SAMD12: variants seen among roughly 807,000 people sequenced by gnomAD.
SAMD12 encodes sterile alpha motif domain containing 12.
SAMD12 carries 9 observed loss-of-function variants against 15.0 expected under a neutral mutation model. The ratio of observed to expected loss-of-function variants is 0.60; its 90% CI spans 0.36 to 1.05. The LOEUF (loss-of-function observed/expected upper bound fraction) is 1.05, where lower values mean the gene tolerates loss of function less well. Ranked by LOEUF, SAMD12 falls within the 50% of genes least tolerant of loss-of-function variation. SAMD12 has a pLI of 0.01. For missense variants in SAMD12, 230 were observed against 234.2 expected (o/e 0.98, Z 0.12); for synonymous variants, 86 against 90.1 (o/e 0.96, Z 0.25).
chr8:118,353,187 AT>A (rs1053113935), intron 4 of SAMD12, among the ~76,000 whole-genome samples: 8 of 150,480 alleles, frequency 5.3e-5, no homozygotes, highest in Non-Finnish European at 1.2e-4. Flanking sequence ...TCTAGTGAGC[AT>A]GTTCTCTTGT....
exon 5 of SAMD12, chr8:118,196,358 A>T (rs1421010471): frequency 1.3e-5 from 2 of 152,284 alleles, no homozygotes; most frequent in Middle Eastern, 3.4e-3. Flanking sequence ...TGAGCTTTCC[A>T]TTCAACCAAC....
chr8:118,589,410 T>C (rs1354445661), intron 1 of SAMD12, among the ~76,000 whole-genome samples: 1 of 152,226 alleles, frequency 6.6e-6, no homozygotes, highest in Non-Finnish European at 1.5e-5. Flanking sequence ...CAGTTCGCTA[T>C]AATGGAATCT....
chr8:118,277,224 A>G (rs1052074591), intron 4 of SAMD12, among the ~76,000 whole-genome samples: 1 of 152,158 alleles, frequency 6.6e-6, no homozygotes, highest in Non-Finnish European at 1.5e-5. Flanking sequence ...ACTCTGGTCC[A>G]TCTCTCTCCC....
chr8:118,134,368 A>C, the SAMD12 span, among the ~76,000 whole-genome samples: 1 of 152,230 alleles, frequency 6.6e-6, no homozygotes, highest in Admixed American at 6.5e-5. Context: ...AGTCACTATA[A>C]AGTGGTCTGG....
chr8:118,234,516 C>T (rs1225913118), intron 4 of SAMD12, among the ~76,000 whole-genome samples: 1 of 151,876 alleles, frequency 6.6e-6, no homozygotes, highest in Non-Finnish European at 1.5e-5. Flanking sequence ...TCAAGACTTG[C>T]CTGGCCAACA....
At chr8:118,515,021 TTTG>T (rs1825194794) in intron 2 of SAMD12, among the ~76,000 whole-genome samples, 1 of 151,678 alleles carries the variant, frequency 6.6e-6, no homozygotes, top group Non-Finnish European at 1.5e-5. Flanking sequence ...TGTTTGTTTG[TTTG>T]TTTGTTTGTT....
rs1250299582 is a variant in SAMD12, at chr8:118,361,916, T to TTAA, written c.433+17641_433+17643dup. ...GAAAATTCAAGCCTGGAGAACTGGA[T>TTAA]TAATAAATATAAATGAATTCATTTG... On this transcript the variant is annotated intron_variant, in intron 4 of 4. Transcript: ENST00000409003. 1.2e-4 allele frequency among the ~76,000 whole-genome samples: 18 copies of TTAA among 152,320 alleles called. No individual in the cohort carries two copies. The East Asian group carries it at 2.5e-3, about 21-fold the overall frequency.
intron 2 of SAMD12, among the ~76,000 whole-genome samples, chr8:118,556,658 A>G (rs180797408): frequency 2.6e-5 from 4 of 152,280 alleles, no homozygotes; most frequent in African/African-American, 7.2e-5. Flanking sequence ...GAAACTCACA[A>G]TCTGGTGATA....
intron 4 of SAMD12, among the ~76,000 whole-genome samples, chr8:118,265,319 T>A (rs1239118514): frequency 6.6e-6 from 1 of 152,142 alleles, no homozygotes; most frequent in Non-Finnish European, 1.5e-5. Context: ...GTAGAACAAA[T>A]GAGGCATAAT....
At chr8:118,306,990 C>G (rs1198436347) in intron 4 of SAMD12, among the ~76,000 whole-genome samples, 2 of 152,150 alleles carry the variant, frequency 1.3e-5, no homozygotes, top group Non-Finnish European at 2.9e-5. Flanking sequence ...GGCCACTGAC[C>G]AAGCTGATAT....
downstream of SAMD12, among the ~76,000 whole-genome samples, chr8:118,374,332 G>A (rs184158129): frequency 7.9e-5 from 12 of 152,134 alleles, no homozygotes; most frequent in East Asian, 1.9e-4. Flanking sequence ...TTTAAAGGCC[G>A]AATAATATTG....
chr8:118,537,113 G>T (rs1348317201), intron 2 of SAMD12, among the ~76,000 whole-genome samples: 1 of 152,086 alleles, frequency 6.6e-6, no homozygotes, highest in Non-Finnish European at 1.5e-5. Context: ...CTCTTTCCTG[G>T]CCTGTAAGCT....
At chr8:118,476,973 A>G (rs1040978507) in intron 2 of SAMD12, among the ~76,000 whole-genome samples, 1 of 151,742 alleles carries the variant, frequency 6.6e-6, no homozygotes, top group African/African-American at 2.4e-5. Context: ...CAGACACATC[A>G]CTTCCTGTAC....
intron 1 of SAMD12, among the ~76,000 whole-genome samples, chr8:118,581,606 T>C (rs1173978793): frequency 6.6e-6 from 1 of 152,160 alleles, no homozygotes; most frequent in Non-Finnish European, 1.5e-5. Context: ...AACATAGATA[T>C]TCCACAAATA....
intron 4 of SAMD12, among the ~76,000 whole-genome samples, chr8:118,233,564 A>G (rs1812360191): frequency 6.6e-6 from 1 of 152,110 alleles, no homozygotes; most frequent in Non-Finnish European, 1.5e-5. Flanking sequence ...GACATTCCTG[A>G]GCTCCCAGGT....
intron 2 of SAMD12, among the ~76,000 whole-genome samples, chr8:118,579,819 T>C (rs534432349): frequency 2.2e-4 from 33 of 152,302 alleles, no homozygotes; most frequent in African/African-American, 4.6e-4. Context: ...ATTAATTTCC[T>C]CAGTGTCCAA....
At chr8:118,553,500 T>G (rs1327137131) in intron 2 of SAMD12, among the ~76,000 whole-genome samples, 1 of 152,160 alleles carries the variant, frequency 6.6e-6, no homozygotes, top group Non-Finnish European at 1.5e-5. Context: ...TGAAACTGGA[T>G]CCCTTCCTCA....
In SAMD12 at chr8:118,553,735, G is replaced by A. The variant is rs560219586; in HGVS notation, c.192+26980C>T. ...CACAGCAAAAGAAACTGCCATCAGA[G>A]TGAACAGGCAACCCACAAAATGGGA... On this transcript the variant is annotated intron_variant, in intron 2 of 3. Coordinates refer to ENST00000314727, the MANE Select transcript of SAMD12 (RefSeq NM_207506.3). 1.3e-4 allele frequency among the ~76,000 whole-genome samples: 19 copies of A among 151,716 alleles called. 1 individual carries two copies. In the South Asian group the frequency reaches 3.8e-3, roughly 30 times the overall value.
At chr8:118,486,410 C>T (rs1189515630) in intron 2 of SAMD12, among the ~76,000 whole-genome samples, 3 of 128,156 alleles carry the variant, frequency 2.3e-5, no homozygotes, top group African/African-American at 9.7e-5. Flanking sequence ...AGAGAGAATC[C>T]GTCTAAAAAA....
Sources: allele counts gnomAD v4.1 joint callset (sites outside exome capture counted in the v4.1 genomes callset), GRCh38; gene constraint gnomAD v4.1.1; transcripts MANE v1.5; gene names NCBI Gene and HGNC (gene_info 2026-07-23, HGNC 2026-07-21).